Variants in PCDHGA5 observed in about 807,000 individuals in gnomAD.
PCDHGA5 encodes protocadherin gamma subfamily A, 5.
PCDHGA5 carries 36 observed loss-of-function variants against 56.7 expected under a neutral mutation model. That is an observed-to-expected ratio of 0.64 (90% confidence interval 0.49 to 0.84). PCDHGA5 has a LOEUF of 0.84. Among genes scored for constraint, PCDHGA5 ranks in the 40% least tolerant of loss-of-function variants. The pLI is 0.00. For synonymous variants in PCDHGA5, 563 were observed against 520.2 expected (o/e 1.08, Z -1.12); for missense variants, 1,305 against 1,201.5 (o/e 1.09, Z -1.27).
chr5:141,422,011 G>T (rs200879435), intron 1 of PCDHGA5: 2 of 1,610,252 alleles, frequency 1.2e-6, no homozygotes, highest in East Asian at 2.2e-5. Flanking sequence ...CGGAACTCGG[G>T]TGCTGATGGT....
intron 1 of PCDHGA5, among the ~76,000 whole-genome samples, chr5:141,463,810 A>G (rs1469182885): frequency 6.6e-6 from 1 of 152,178 alleles, no homozygotes; most frequent in Non-Finnish European, 1.5e-5. Context: ...AAAAGCTTTT[A>G]TCACACATTT....
intron 1 of PCDHGA5, chr5:141,413,959 G>A: frequency 1.9e-6 from 3 of 1,613,372 alleles, no homozygotes; most frequent in Middle Eastern, 3.3e-4. Context: ...TTTGCCTGTG[G>A]GCACTCAGCT....
In PCDHGA5 at chr5:141,490,507, G is replaced by C; in HGVS notation, c.2422-4300G>C. 1 of 1,614,016 alleles carries C rather than the reference G, an allele frequency of 6.2e-7. No individual in the cohort carries two copies. Among genetic ancestry groups the C allele is most frequent in the Non-Finnish European group, 8.5e-7 (1 of 1,180,002 alleles). On this transcript the variant is annotated intron_variant, in intron 1 of 3. Transcript: ENST00000518069. The surrounding 1 kb of genome is among the most constrained non-coding windows in gnomAD (Gnocchi z 5.4). ...GGAGGCCACATCCCACTATATCATCGAGCTGCTGGCCAGCGATGCTGGTTC... is the reference window on the plus strand; with the variant it reads ...GGAGGCCACATCCCACTATATCATCCAGCTGCTGGCCAGCGATGCTGGTTC...
intron 1 of PCDHGA5, chr5:141,415,791 CCTAGTCTCAA>C: frequency 2.2e-6 from 3 of 1,341,938 alleles, no homozygotes; most frequent in Non-Finnish European, 1.9e-6. Flanking sequence ...GTAAAATTCA[CCTAGTCTCAA>C]TCAAGGCCTA....
chr5:141,489,359 AG>A lies in PCDHGA5; in HGVS notation c.2422-5447del. On this transcript the variant is annotated intron_variant, in intron 1 of 3. Coordinates refer to ENST00000518069, the MANE Select transcript of PCDHGA5 (RefSeq NM_018918.3). The surrounding 1 kb of genome is among the most constrained non-coding windows in gnomAD (Gnocchi z 4.5). ...CGTTACTCAGTGGTGGAGGAGTCTG[AG>A]CCGGGGACGCTGGTGGGGAATGTTG... 1 of 1,613,110 alleles carries A rather than the reference AG, an allele frequency of 6.2e-7. No homozygotes were observed. The highest frequency in any genetic ancestry group is 1.1e-5 in the South Asian group (1 of 90,984).
chr5:141,399,314 A>G, intron 1 of PCDHGA5: 1 of 1,613,988 alleles, frequency 6.2e-7, no homozygotes, highest in African/African-American at 1.3e-5. Flanking sequence ...TCATCCAAAA[A>G]TTCGTATAAG....
rs776825429 is a variant in PCDHGA5 at position 141,375,161 on chromosome 5, G to C, written c.2421+8410G>C. On this transcript the variant is annotated intron_variant, in intron 1 of 3. Transcript: ENST00000518069. ...TGGAAGCAGAACAATTGCTGAAAGT[G>C]CACCTCCAGGAACAGTAATCGCCCT... 2.5e-6 allele frequency: 4 copies of C among 1,613,940 alleles called. No individual in the cohort carries two copies. In the Admixed American group the frequency reaches 6.7e-5, roughly 27 times the overall value.
At position 141,404,691 on chromosome 5, in the gene PCDHGA5, G is replaced by A. The variant is rs200601931; in HGVS notation, c.2421+37940G>A. ...TCTACTGGTGTGGAGCTGGCACCCC[G>A]CTCTGCAGAGCCTGGCTACCTGGTG... is the stretch of plus-strand genomic sequence containing the variant. On this transcript the variant is annotated intron_variant, in intron 1 of 3. Transcript: ENST00000518069. 1.4e-5 allele frequency: 22 copies of A among 1,613,996 alleles called. No individual in the cohort carries two copies. The East Asian group carries it at 3.8e-4, about 28-fold the overall frequency.
At chr5:141,392,559 A>T in intron 1 of PCDHGA5, 2 of 384,544 alleles carry the variant, frequency 5.2e-6, no homozygotes, top group Non-Finnish European at 4.6e-6. Context: ...ATCTCAGTGC[A>T]GTAACTATTT....
At chr5:141,442,759 A>G (rs2098341868) in intron 1 of PCDHGA5, among the ~76,000 whole-genome samples, 1 of 152,152 alleles carries the variant, frequency 6.6e-6, no homozygotes, top group Non-Finnish European at 1.5e-5. Flanking sequence ...GATTATATAT[A>G]TTTGTATGTG....
chr5:141,374,242 A>G (rs1181789478), intron 1 of PCDHGA5: 2 of 1,613,868 alleles, frequency 1.2e-6, no homozygotes, highest in Admixed American at 3.3e-5. Context: ...AGGATCTGGG[A>G]CTGGAGCCCC....
At chr5:141,419,663 G>T (rs1459319505) in intron 1 of PCDHGA5, 1 of 1,612,710 alleles carries the variant, frequency 6.2e-7, no homozygotes, top group Non-Finnish European at 8.5e-7. Flanking sequence ...GGGGCACAAT[G>T]CCTGGCTGTC....
In PCDHGA5 at chr5:141,432,927, G is replaced by A; in HGVS notation, c.2422-61880G>A. On this transcript the variant is annotated intron_variant, in intron 1 of 3. Coordinates refer to ENST00000518069, the MANE Select transcript of PCDHGA5 (RefSeq NM_018918.3). This position sits in a 1 kb window ranked among gnomAD's most constrained non-coding sequence, Gnocchi z 6.0. ...AGGCTGCGGCGCTGGCACAAGTCACGCCTGCTGCAGGCTTCAGGAGGCGGC... is the reference window on the plus strand; with the variant it reads ...AGGCTGCGGCGCTGGCACAAGTCACACCTGCTGCAGGCTTCAGGAGGCGGC... 6.2e-7 allele frequency: 1 copy of A among 1,614,162 alleles called. No individual in the cohort carries two copies. Among genetic ancestry groups the A allele is most frequent in the Non-Finnish European group, 8.5e-7 (1 of 1,180,032 alleles).
At chr5:141,376,594 G>A in intron 1 of PCDHGA5, 2 of 1,525,706 alleles carry the variant, frequency 1.3e-6, no homozygotes, top group Non-Finnish European at 1.8e-6. Flanking sequence ...TAGATCGGCT[G>A]TTATAGAAGC....
At position 141,485,833 on chromosome 5, in the gene PCDHGA5, G is replaced by A. The variant is rs780944737; in HGVS notation, c.2422-8974G>A. 64 of 1,613,904 alleles carry A rather than the reference G, an allele frequency of 4.0e-5. No homozygotes were observed. Among genetic ancestry groups the A allele is most frequent in the Non-Finnish European group, 2.5e-6 (3 of 1,180,004 alleles). On this transcript the variant is annotated intron_variant, in intron 1 of 3. Coordinates refer to ENST00000518069, the MANE Select transcript of PCDHGA5 (RefSeq NM_018918.3). This position sits in a 1 kb window ranked among gnomAD's most constrained non-coding sequence, Gnocchi z 5.7. Reference sequence around the variant, plus strand: ...TGACTGCTGTCGATGGAGGGAACCCGCCGAGATCTGGCACCGCAGAGCTCC... The same window carrying A: ...TGACTGCTGTCGATGGAGGGAACCCACCGAGATCTGGCACCGCAGAGCTCC...
In PCDHGA5 at chr5:141,472,879, G is replaced by A. The variant is rs541980402; in HGVS notation, c.2422-21928G>A. Among the ~76,000 whole-genome samples the A allele has an allele frequency of 3.3e-5, 5 of 151,694 alleles. No homozygotes were observed. The South Asian group carries it at 6.2e-4, about 19-fold the overall frequency. ...CACATGCCTGTATTCCCAGCTACTC[G>A]GGAGGCTGAGGCAGGAGAATTGCTT... On this transcript the variant is annotated intron_variant, in intron 1 of 3. Coordinates refer to ENST00000518069, the MANE Select transcript of PCDHGA5 (RefSeq NM_018918.3).
At chr5:141,427,371 G>A (rs772247790) in intron 1 of PCDHGA5, 3 of 458,018 alleles carry the variant, frequency 6.5e-6, no homozygotes, top group East Asian at 6.9e-5. Context: ...ACCCTGGACG[G>A]TGATCACTCT....
At chr5:141,417,770 T>G in intron 1 of PCDHGA5, 1 of 1,456,418 alleles carries the variant, frequency 6.9e-7, no homozygotes, top group Non-Finnish European at 9.1e-7. Context: ...CCGGGACTCC[T>G]CCTGTCCTGG....
chr5:141,408,556 T>C (rs1215804867), intron 1 of PCDHGA5: 3 of 1,613,940 alleles, frequency 1.9e-6, no homozygotes, highest in Non-Finnish European at 2.5e-6. Context: ...ATATTTTTCA[T>C]GTCATTGTGG....
Sources: allele counts gnomAD v4.1 joint callset (sites outside exome capture counted in the v4.1 genomes callset), GRCh38; gene constraint gnomAD v4.1.1; non-coding constraint Gnocchi (gnomAD v3.1); transcripts MANE v1.5; gene names NCBI Gene and HGNC (gene_info 2026-07-23, HGNC 2026-07-21).